Variants in MCTP2 observed in about 807,000 individuals in gnomAD.
MCTP2 encodes multiple C2 and transmembrane domain-containing protein 2.
MCTP2 carries 132 observed loss-of-function variants against 111.6 expected under a neutral mutation model. That is an observed-to-expected ratio of 1.18 (90% CI 1.03 to 1.37). MCTP2 has a LOEUF of 1.37. Ranked by LOEUF, MCTP2 falls within the 40% of genes most tolerant of loss-of-function variation. The pLI is 0.00. For synonymous variants in MCTP2, 395 were observed against 387.7 expected (o/e 1.02, Z -0.22); for missense variants, 1,183 against 1,067.9 (o/e 1.11, Z -1.50).
At chr15:94,357,474 A>T (rs1381107263) in intron 9 of MCTP2, among the ~76,000 whole-genome samples, 1 of 152,054 alleles carries the variant, frequency 6.6e-6, no homozygotes, top group Non-Finnish European at 1.5e-5. Flanking sequence ...GAAGTGTAGA[A>T]TTAGTTCAGT....
intron 1 of MCTP2, among the ~76,000 whole-genome samples, chr15:94,253,771 G>C (rs965319629): frequency 6.7e-6 from 1 of 149,036 alleles, no homozygotes; most frequent in Non-Finnish European, 1.5e-5. Context: ...GTTTCACATC[G>C]TTGCATGTGA....
intron 17 of MCTP2, among the ~76,000 whole-genome samples, chr15:94,411,036 C>T (rs986073748): frequency 6.6e-6 from 1 of 152,238 alleles, no homozygotes. Flanking sequence ...ACTGCCATCA[C>T]AGCCCCTGAA....
chr15:94,327,669 C>T (rs532401272), intron 4 of MCTP2, among the ~76,000 whole-genome samples: 1 of 152,324 alleles, frequency 6.6e-6, no homozygotes, highest in East Asian at 1.9e-4. Flanking sequence ...GGTTTTCCTT[C>T]ACTCTTTGAG....
At chr15:94,465,478 C>A (rs2073194168) in intron 20 of MCTP2, among the ~76,000 whole-genome samples, 1 of 152,014 alleles carries the variant, frequency 6.6e-6, no homozygotes, top group Admixed American at 6.6e-5. Context: ...ATGTGGTGTT[C>A]CCCTCTCTTT....
chr15:94,459,253 A>G (rs2085038943), intron 20 of MCTP2, among the ~76,000 whole-genome samples: 2 of 152,160 alleles, frequency 1.3e-5, no homozygotes, highest in South Asian at 2.1e-4. Context: ...TTGTTTTGGA[A>G]TTGCATGGGT....
At chr15:94,244,554 CTA>C (rs577097730) in intron 1 of MCTP2, among the ~76,000 whole-genome samples, 6 of 142,104 alleles carry the variant, frequency 4.2e-5, no homozygotes, top group East Asian at 4.1e-4. Flanking sequence ...ACATATGCAC[CTA>C]TGTTTATATA....
chr15:94,462,418 A>G (rs1464694030), intron 20 of MCTP2, among the ~76,000 whole-genome samples: 5 of 152,248 alleles, frequency 3.3e-5, no homozygotes, highest in African/African-American at 1.2e-4. Context: ...GGAGAAATCT[A>G]TGAAAATGTT....
chr15:94,321,512 A>G (rs1447104335), intron 4 of MCTP2, among the ~76,000 whole-genome samples: 2 of 152,204 alleles, frequency 1.3e-5, no homozygotes, highest in Non-Finnish European at 2.9e-5. Flanking sequence ...TTAATGAATA[A>G]TCATAATGCA....
rs369500392 is a variant in MCTP2 at position 94,427,235 on chromosome 15, CTA to C, written c.2086-12939_2086-12938del. Among the ~76,000 whole-genome samples the C allele has an allele frequency of 5.6e-4, 86 of 152,258 alleles. No homozygotes were observed. In the East Asian group the frequency reaches 9.7e-3, roughly 17 times the overall value. The stretch of plus-strand genomic sequence containing the variant: ...CAGATTTTTAAGATTGAAGCAAACT[CTA>C]TGTTAGTACTTTGTACTCTGTTGAT... On this transcript the variant is annotated intron_variant, in intron 17 of 22. Transcript: ENST00000357742.
At chr15:94,417,899 G>A (rs899156096) in intron 17 of MCTP2, among the ~76,000 whole-genome samples, 1 of 152,054 alleles carries the variant, frequency 6.6e-6, no homozygotes, top group Non-Finnish European at 1.5e-5. Flanking sequence ...CATTGAATAT[G>A]TACAGAGCTA....
intron 2 of MCTP2, among the ~76,000 whole-genome samples, chr15:94,313,872 C>T (rs1377674570): frequency 2.6e-5 from 4 of 152,142 alleles, no homozygotes; most frequent in Non-Finnish European, 4.4e-5. Context: ...CGTTTCCTTC[C>T]GAACGGACAT....
intron 7 of MCTP2, chr15:94,343,960 T>G (rs1266897701): frequency 6.6e-6 from 1 of 152,124 alleles, no homozygotes; most frequent in Admixed American, 6.5e-5. Flanking sequence ...TCAAATGCGT[T>G]CCTATGTGTC....
intron 1 of MCTP2, among the ~76,000 whole-genome samples, chr15:94,247,854 A>G (rs539277328): frequency 1.6e-4 from 25 of 152,312 alleles, no homozygotes; most frequent in African/African-American, 5.8e-4. Context: ...CATGATGTTA[A>G]TAAAACGAAT....
Position 94,298,161 on chromosome 15 carries a change from T to G in MCTP2, c.-65-40T>G, listed in dbSNP as rs565877286. ...ACCAAGAAGGTTCATGTTTTTTTTT[T>G]TTGTTTGTTTGTTTTTTGTTGTTTT... On this transcript the variant is annotated intron_variant, in intron 1 of 22. Coordinates refer to ENST00000357742, the MANE Select transcript of MCTP2 (RefSeq NM_001385001.1). The G allele has an allele frequency of 1.5e-4, 131 of 877,410 alleles. 1 individual carries two copies. The African/African-American group carries it at 2.0e-3, about 13-fold the overall frequency. 54.4% of individuals were successfully genotyped at this position (877,410 alleles called of 1,614,324 possible).
At chr15:94,252,591 A>G (rs2072508883) in intron 1 of MCTP2, among the ~76,000 whole-genome samples, 1 of 152,144 alleles carries the variant, frequency 6.6e-6, no homozygotes, top group South Asian at 2.1e-4. Flanking sequence ...GAGTGGAGAA[A>G]AATAAACCAC....
intron 19 of MCTP2, among the ~76,000 whole-genome samples, chr15:94,454,777 A>ATGTT (rs1264088060): frequency 6.6e-6 from 1 of 152,132 alleles, no homozygotes; most frequent in Non-Finnish European, 1.5e-5. Context: ...AAAAGGTCAA[A>ATGTT]TGTTATGTAT....
chr15:94,413,802 ATTCT>A (rs2082258373), intron 17 of MCTP2, among the ~76,000 whole-genome samples: 1 of 152,138 alleles, frequency 6.6e-6, no homozygotes, highest in African/African-American at 2.4e-5. Context: ...CATTTTTTCA[ATTCT>A]TTTAGTTATT....
intron 20 of MCTP2, among the ~76,000 whole-genome samples, chr15:94,463,769 A>G (rs923196110): frequency 1.3e-5 from 2 of 152,132 alleles, no homozygotes; most frequent in African/African-American, 2.4e-5. Context: ...CTAGTTTGCT[A>G]TGAGTTTTTA....
intron 11 of MCTP2, 86 bp from the exon 12 acceptor site, chr15:94,370,001 C>A (rs1025037917): frequency 2.8e-6 from 2 of 719,154 alleles, no homozygotes; most frequent in Non-Finnish European, 4.3e-6. Flanking sequence ...GAAGATAAAT[C>A]TAGGATGCAC....
Sources: allele counts gnomAD v4.1 joint callset (sites outside exome capture counted in the v4.1 genomes callset), GRCh38; gene constraint gnomAD v4.1.1; transcripts MANE v1.5; gene names NCBI Gene and HGNC (gene_info 2026-07-23, HGNC 2026-07-21).